The following CADPS variants were observed in gnomAD, a reference collection of about 807,000 sequenced individuals.
The protein encoded by CADPS is calcium dependent secretion activator.
In CADPS, 57 loss-of-function variants were observed where a neutral mutation model predicts 167.3. The observed-to-expected ratio is 0.34, with a 90% confidence interval of 0.28 to 0.42. The LOEUF (loss-of-function observed/expected upper bound fraction) is 0.42, where lower values mean the gene tolerates loss of function less well. CADPS is among the 20% of genes least tolerant of loss of function. The probability of loss-of-function intolerance (pLI) is 1.00; values close to 1 mark genes in which losing one functional copy is unlikely to be tolerated. For missense variants in CADPS, 1,414 were observed against 1,738.1 expected, an observed-to-expected ratio of 0.81 and a Z score of 3.32; for synonymous variants, 676 against 635.3, an observed-to-expected ratio of 1.06 and a Z score of -0.96.
intron 23 of CADPS, 75 bp from the exon 24 acceptor site, chr3:62,474,395 T>C (rs1171875692): frequency 1.1e-5 from 15 of 1,419,146 alleles, no homozygotes; most frequent in Non-Finnish European, 1.3e-5. Context: ...TTCTGAGAGG[T>C]CAGTGAAAAA....
Position 62,438,533 on chromosome 3 carries a change from A to C in CADPS, c.3670-322T>G. The C allele has an allele frequency of 4.2e-6, 1 of 239,528 alleles. No homozygotes were observed. Among genetic ancestry groups the C allele is most frequent in the Non-Finnish European group, 8.1e-6 (1 of 123,524 alleles). 14.8% of individuals were successfully genotyped at this position (239,528 alleles called of 1,614,324 possible). ...CTGCATAACCCATAGATGTTCTCTG[A>C]CTTTGCCTTGGATTGAAACCTGCAT... On this transcript the variant is annotated intron_variant, in intron 27 of 29. Coordinates refer to ENST00000383710, the MANE Select transcript of CADPS (RefSeq NM_003716.4). The surrounding 1 kb of genome is among the most constrained non-coding windows in gnomAD (Gnocchi z 4.7).
chr3:62,501,788 G>C (rs144906106), intron 17 of CADPS, among the ~76,000 whole-genome samples: 165 of 152,262 alleles, frequency 1.1e-3, no homozygotes, highest in Non-Finnish European at 1.8e-3. Flanking sequence ...CCAAGATGTT[G>C]AAGCTAGGAC....
At chr3:62,473,826 A>T (rs1280412688) in intron 24 of CADPS, 2 of 176,892 alleles carry the variant, frequency 1.1e-5, no homozygotes, top group Non-Finnish European at 2.4e-5. Context: ...AAGTGATAAA[A>T]TGCACTTCAA....
intron 21 of CADPS, 125 bp from the exon 22 acceptor site, chr3:62,481,994 G>A (rs1025824636): frequency 1.8e-5 from 16 of 896,838 alleles, no homozygotes; most frequent in Non-Finnish European, 2.1e-5. Context: ...AAACTCAAGC[G>A]ACACACTTCA....
Position 62,421,353 on chromosome 3 carries a change from C to T in CADPS, c.3777+16751G>A, listed in dbSNP as rs891381498. Among the ~76,000 whole-genome samples the T allele has an allele frequency of 6.6e-6, 1 of 152,052 alleles. No homozygotes were observed. The highest frequency in any genetic ancestry group is 2.4e-5 in the African/African-American group (1 of 41,386). ...CTCAGTACTTGAGGCGCACAGCGAG[C>T]GCCTGAATGGGGCAAACCTCCTAAG... is the stretch of plus-strand genomic sequence containing the variant. On this transcript the variant is annotated intron_variant, in intron 28 of 29. Transcript: ENST00000383710. This position sits in a 1 kb window ranked among gnomAD's most constrained non-coding sequence, Gnocchi z 4.7.
chr3:62,687,250 T>C (rs2078216734), intron 3 of CADPS, among the ~76,000 whole-genome samples: 1 of 152,132 alleles, frequency 6.6e-6, no homozygotes, highest in African/African-American at 2.4e-5. Context: ...CAATTTAAAA[T>C]GGCTAAAATT....
chr3:62,649,236 G>A (rs535377165), intron 5 of CADPS, among the ~76,000 whole-genome samples: 2 of 152,212 alleles, frequency 1.3e-5, no homozygotes, highest in African/African-American at 2.4e-5. Flanking sequence ...GAAGCATGTA[G>A]GGGCTGGTTA....
intron 21 of CADPS, among the ~76,000 whole-genome samples, chr3:62,485,665 C>G (rs570033617): frequency 6.6e-6 from 1 of 152,256 alleles, no homozygotes; most frequent in East Asian, 1.9e-4. Flanking sequence ...ACATCCTTAT[C>G]ATTTTCAGCC....
intron 22 of CADPS, among the ~76,000 whole-genome samples, chr3:62,479,633 G>A (rs889409604): frequency 6.6e-6 from 1 of 152,248 alleles, no homozygotes; most frequent in Admixed American, 6.5e-5. Flanking sequence ...ACAGGGTAAT[G>A]TTTTCAAGGA....
In CADPS at chr3:62,533,820, G is replaced by T. The variant is rs150398802; in HGVS notation, c.2104-762C>A. Among the ~76,000 whole-genome samples the T allele has an allele frequency of 3.0e-3, 454 of 152,312 alleles. 1 individual carries two copies. The highest frequency in any genetic ancestry group is 6.8e-3 in the South Asian group (33 of 4,824). ...CAGCATGGCTTAGTTTTCAAGTTGT[G>T]AATCAGATGTAATTCCATTAAACTG... On this transcript the variant is annotated intron_variant, in intron 12 of 29. Transcript: ENST00000383710.
Position 62,424,418 on chromosome 3 carries a change from C to T in CADPS, c.3777+13686G>A, listed in dbSNP as rs532661511. Among the ~76,000 whole-genome samples, 19 of 152,162 alleles carry T rather than the reference C, an allele frequency of 1.2e-4. No homozygotes were observed. The South Asian group carries it at 1.7e-3, about 13-fold the overall frequency. ...CAGGATGGTCTCGATCTCCTGACCT[C>T]GTGATTTGCCTGCCTCGGCCTCCCA... On this transcript the variant is annotated intron_variant, in intron 28 of 29. Coordinates refer to ENST00000383710, the MANE Select transcript of CADPS (RefSeq NM_003716.4).
intron 1 of CADPS, among the ~76,000 whole-genome samples, chr3:62,867,755 A>G (rs1424868564): frequency 6.6e-6 from 1 of 152,038 alleles, no homozygotes. Flanking sequence ...CTTAGCAATA[A>G]CAAGAGCTGA....
At chr3:62,622,767 A>G (rs1440548640) in intron 6 of CADPS, among the ~76,000 whole-genome samples, 1 of 152,170 alleles carries the variant, frequency 6.6e-6, no homozygotes, top group African/African-American at 2.4e-5. Context: ...TTTAGCCACT[A>G]GATGGCAATC....
At chr3:62,513,641 T>C (rs2068354844) in intron 16 of CADPS, 1 of 1,578,462 alleles carries the variant, frequency 6.3e-7, no homozygotes, top group Non-Finnish European at 8.7e-7. Flanking sequence ...TACTCACGAA[T>C]GGTTAAATCC....
chr3:62,415,248 A>T (rs994429575), intron 28 of CADPS, among the ~76,000 whole-genome samples: 1 of 152,196 alleles, frequency 6.6e-6, no homozygotes. Flanking sequence ...GGCACATTTT[A>T]TCAAAAAACG....
intron 17 of CADPS, among the ~76,000 whole-genome samples, chr3:62,505,619 T>A (rs1561379386): frequency 1.3e-5 from 2 of 152,178 alleles, no homozygotes; most frequent in Admixed American, 6.5e-5. Context: ...TAAGCACACA[T>A]CTGAACTTGT....
chr3:62,497,334 G>C (rs2064986753), intron 18 of CADPS, among the ~76,000 whole-genome samples: 2 of 152,134 alleles, frequency 1.3e-5, no homozygotes, highest in Non-Finnish European at 2.9e-5. Context: ...TGTGCTCTTT[G>C]TATTTATGTC....
chr3:62,580,271 C>T (rs1037171541), intron 8 of CADPS, among the ~76,000 whole-genome samples: 2 of 152,122 alleles, frequency 1.3e-5, no homozygotes, highest in African/African-American at 4.8e-5. Flanking sequence ...AAAGGATGAG[C>T]TCATGTCCTT....
chr3:62,561,411 C>T (rs1373223409), intron 9 of CADPS, among the ~76,000 whole-genome samples: 1 of 151,554 alleles, frequency 6.6e-6, no homozygotes, highest in Non-Finnish European at 1.5e-5. Context: ...TACCACCATG[C>T]CTGGCTATTT....
Sources: gnomAD v4.1 joint callset for allele counts (sites outside exome capture counted in the v4.1 genomes callset) on GRCh38, gnomAD v4.1.1 for gene constraint, Gnocchi (gnomAD v3.1) non-coding constraint, MANE v1.5 for transcripts, NCBI Gene and HGNC (gene_info 2026-07-23, HGNC 2026-07-21) for gene names.